BMAL2: variants seen among roughly 807,000 people sequenced by gnomAD.
BMAL2 encodes basic helix-loop-helix ARNT-like protein 2.
chr12:27,410,130 CTT>C, the BMAL2 span, among the ~76,000 whole-genome samples: 1 of 151,506 alleles, frequency 6.6e-6, no homozygotes, highest in African/African-American at 2.4e-5. Flanking sequence ...AATAGGAACA[CTT>C]TTACACTGTT....
the BMAL2 span, among the ~76,000 whole-genome samples, chr12:27,336,163 G>A: frequency 6.6e-6 from 1 of 152,160 alleles, no homozygotes; most frequent in South Asian, 2.1e-4. Context: ...TGGGGTCTGG[G>A]TCATTAGTCA....
At chr12:27,370,644 C>T in the BMAL2 span, among the ~76,000 whole-genome samples, 147 of 152,004 alleles carry the variant, frequency 9.7e-4, no homozygotes, top group African/African-American at 3.2e-3. Context: ...CTCACTCTGT[C>T]GCCAGGCTGG....
chr12:27,383,568 G>A, the BMAL2 span, among the ~76,000 whole-genome samples: 27 of 152,270 alleles, frequency 1.8e-4, no homozygotes, highest in Non-Finnish European at 3.5e-4. Context: ...GGGCTCGCCT[G>A]TGATGGCTGA....
chr12:27,411,651 G>A, the BMAL2 span, among the ~76,000 whole-genome samples: 2 of 152,264 alleles, frequency 1.3e-5, no homozygotes, highest in African/African-American at 2.4e-5. Context: ...CTTTGGAGAA[G>A]TGTGCATTCA....
chr12:27,339,072 G>A, the BMAL2 span, among the ~76,000 whole-genome samples: 1 of 152,138 alleles, frequency 6.6e-6, no homozygotes, highest in Non-Finnish European at 1.5e-5. Context: ...ATTAAGCCTA[G>A]TACCCATTAG....
chr12:27,346,681 C>T, the BMAL2 span, among the ~76,000 whole-genome samples: 73 of 152,262 alleles, frequency 4.8e-4, no homozygotes, highest in African/African-American at 1.6e-3. Context: ...GCTGTCAGAC[C>T]GTGGCTCCCA....
the BMAL2 span, chr12:27,401,650 T>C: frequency 6.2e-7 from 1 of 1,603,128 alleles, no homozygotes; most frequent in Non-Finnish European, 8.5e-7. Flanking sequence ...CTGGAATATA[T>C]TGTATCTGTC....
At chr12:27,377,304 G>A in the BMAL2 span, 3 of 152,142 alleles carry the variant, frequency 2.0e-5, no homozygotes, top group African/African-American at 4.8e-5. Flanking sequence ...AAACCTTTTC[G>A]GGTGTAGCTC....
chr12:27,420,106 G>A, the BMAL2 span, among the ~76,000 whole-genome samples: 2 of 151,210 alleles, frequency 1.3e-5, no homozygotes, highest in African/African-American at 2.4e-5. Flanking sequence ...GTACCCTTTA[G>A]CAGTGTAATT....
At chr12:27,379,922 T>C in the BMAL2 span, among the ~76,000 whole-genome samples, 2 of 152,120 alleles carry the variant, frequency 1.3e-5, no homozygotes, top group African/African-American at 4.8e-5. Context: ...AGAGAATAGT[T>C]AGCTTTGAAC....
the BMAL2 span, among the ~76,000 whole-genome samples, chr12:27,398,697 T>C: frequency 6.6e-6 from 1 of 152,214 alleles, no homozygotes; most frequent in Non-Finnish European, 1.5e-5. Flanking sequence ...ATATAGATAG[T>C]AACCTGTTGT....
At chr12:27,375,461 T>C in the BMAL2 span, among the ~76,000 whole-genome samples, 1 of 152,226 alleles carries the variant, frequency 6.6e-6, no homozygotes, top group Non-Finnish European at 1.5e-5. Context: ...ATGAAAATTA[T>C]ATACTATGAT....
the BMAL2 span, among the ~76,000 whole-genome samples, chr12:27,360,115 T>A: frequency 1.6e-3 from 241 of 151,132 alleles, no homozygotes; most frequent in Middle Eastern, 0.01. Flanking sequence ...AATTTAGCAC[T>A]GAGAAGGGCA....
At chr12:27,387,912 A>C in the BMAL2 span, among the ~76,000 whole-genome samples, 1 of 152,200 alleles carries the variant, frequency 6.6e-6, no homozygotes, top group Admixed American at 6.5e-5. Context: ...TTAATAACTC[A>C]CATTAGATTA....
At chr12:27,360,284 C>T in the BMAL2 span, among the ~76,000 whole-genome samples, 2 of 152,066 alleles carry the variant, frequency 1.3e-5, no homozygotes, top group African/African-American at 4.8e-5. Flanking sequence ...GGAACCATTA[C>T]AGATGAAAGG....
At chr12:27,376,690 G>C in the BMAL2 span, among the ~76,000 whole-genome samples, 1 of 152,000 alleles carries the variant, frequency 6.6e-6, no homozygotes, top group Non-Finnish European at 1.5e-5. Flanking sequence ...TACTTATGAG[G>C]GGCATCTGAC....
At chr12:27,392,633 G>A in the BMAL2 span, among the ~76,000 whole-genome samples, 2 of 109,974 alleles carry the variant, frequency 1.8e-5, no homozygotes, top group African/African-American at 7.1e-5. Context: ...CCATCCATAA[G>A]GATCCAATCA....
the BMAL2 span, chr12:27,420,707 C>G: frequency 1.4e-6 from 1 of 728,128 alleles, no homozygotes; most frequent in Non-Finnish European, 2.0e-6. Flanking sequence ...ATACGTTTTC[C>G]TCCCAAGAGA....
the BMAL2 span, among the ~76,000 whole-genome samples, chr12:27,369,522 T>C: frequency 6.6e-6 from 1 of 152,260 alleles, no homozygotes; most frequent in Admixed American, 6.5e-5. Flanking sequence ...CTGAAAACTA[T>C]AGTTGATGAA....
Sources: allele counts gnomAD v4.1 joint callset (sites outside exome capture counted in the v4.1 genomes callset), GRCh38; gene constraint gnomAD v4.1.1; transcripts MANE v1.5; gene names NCBI Gene and HGNC (gene_info 2026-07-23, HGNC 2026-07-21).